The following CACNB2 variants were observed in gnomAD, a reference collection of about 807,000 sequenced individuals.
CACNB2 encodes calcium voltage-gated channel auxiliary subunit beta 2.
In CACNB2, 42 loss-of-function variants were observed where a neutral mutation model predicts 73.3. That is an observed-to-expected ratio of 0.57 (90% CI 0.45 to 0.74). CACNB2 has a LOEUF of 0.74. Ranked by LOEUF, CACNB2 falls within the 30% of genes least tolerant of loss-of-function variation. The probability of loss-of-function intolerance (pLI) is 0.00; values close to 1 mark genes in which losing one functional copy is unlikely to be tolerated. For synonymous variants in CACNB2, 348 were observed against 310.3 expected (o/e 1.12, Z -1.28); for missense variants, 940 against 853.0 (o/e 1.10, Z -1.27).
intron 2 of CACNB2, among the ~76,000 whole-genome samples, chr10:18,195,375 C>T (rs963307026): frequency 6.6e-6 from 1 of 152,136 alleles, no homozygotes; most frequent in Non-Finnish European, 1.5e-5. Flanking sequence ...ACACATTGAC[C>T]CACCCCAGCT....
intron 3 of CACNB2, among the ~76,000 whole-genome samples, chr10:18,483,173 C>A (rs919405110): frequency 6.6e-5 from 10 of 151,992 alleles, no homozygotes; most frequent in Admixed American, 5.9e-4. Flanking sequence ...CTAATCTAAT[C>A]CCTGCCAAAA....
At chr10:18,356,942 C>CTTTTTTTTTTTTTTTTT (rs71402158) in intron 2 of CACNB2, among the ~76,000 whole-genome samples, 1 of 101,100 alleles carries the variant, frequency 9.9e-6, no homozygotes, top group Admixed American at 1.1e-4. Flanking sequence ...GACTCAATTT[C>CTTTTTTTTTTTTTTTTT]TTTTTTTTTT....
chr10:18,210,524 C>G (rs2035276106), intron 2 of CACNB2, among the ~76,000 whole-genome samples: 1 of 151,932 alleles, frequency 6.6e-6, no homozygotes, highest in Non-Finnish European at 1.5e-5. Context: ...GTTAAGAACC[C>G]AGGGATTAGG....
At chr10:18,477,552 C>T (rs770559114) in intron 3 of CACNB2, among the ~76,000 whole-genome samples, 4 of 152,174 alleles carry the variant, frequency 2.6e-5, no homozygotes, top group African/African-American at 2.4e-5. Flanking sequence ...TAGAAGCTCA[C>T]TTTGCCAAGA....
At chr10:18,180,404 G>A (rs1341260885) in intron 2 of CACNB2, among the ~76,000 whole-genome samples, 2 of 151,366 alleles carry the variant, frequency 1.3e-5, no homozygotes, top group African/African-American at 2.4e-5. Context: ...TTTCTTTTAC[G>A]TCAGGCAGGA....
At chr10:18,480,223 G>A (rs2048652803) in intron 3 of CACNB2, among the ~76,000 whole-genome samples, 1 of 152,066 alleles carries the variant, frequency 6.6e-6, no homozygotes, top group African/African-American at 2.4e-5. Context: ...GTATATGCTT[G>A]ACATTTTTTA....
intron 3 of CACNB2, among the ~76,000 whole-genome samples, chr10:18,476,587 C>T (rs956673517): frequency 1.3e-5 from 2 of 152,260 alleles, no homozygotes; most frequent in East Asian, 1.9e-4. Flanking sequence ...ACCCTATGCA[C>T]ACATCTGATT....
chr10:18,239,411 A>T (rs550014966), intron 2 of CACNB2, among the ~76,000 whole-genome samples: 1 of 152,178 alleles, frequency 6.6e-6, no homozygotes, highest in East Asian at 1.9e-4. Context: ...TCTGTTTCTG[A>T]GTTATTTCAC....
intron 2 of CACNB2, among the ~76,000 whole-genome samples, chr10:18,322,413 GCTGTTCA>G (rs1395563102): frequency 1.3e-5 from 2 of 152,164 alleles, no homozygotes; most frequent in African/African-American, 4.8e-5. Context: ...AAGGTTCTTT[GCTGTTCA>G]CCAACACAAT....
chr10:18,151,053 C>T (rs2031511306), intron 2 of CACNB2, 78 bp downstream of exon 2: 3 of 916,382 alleles, frequency 3.3e-6, no homozygotes, highest in African/African-American at 3.3e-5. Context: ...TCACTCTTTT[C>T]CTTAAGATTT....
intron 2 of CACNB2, among the ~76,000 whole-genome samples, chr10:18,194,267 A>T (rs1271977754): frequency 1.3e-5 from 2 of 152,156 alleles, no homozygotes; most frequent in Admixed American, 1.3e-4. Flanking sequence ...GCAACTGGTT[A>T]ATGAATGACG....
At chr10:18,473,120 T>G (rs2048274630) in intron 3 of CACNB2, among the ~76,000 whole-genome samples, 1 of 152,148 alleles carries the variant, frequency 6.6e-6, no homozygotes, top group African/African-American at 2.4e-5. Context: ...CTGTGGTGCT[T>G]TTGAAGGTCA....
chr10:18,367,157 A>C (rs2042387912), intron 2 of CACNB2, among the ~76,000 whole-genome samples: 1 of 152,196 alleles, frequency 6.6e-6, no homozygotes, highest in Non-Finnish European at 1.5e-5. Context: ...TTTGTTTTTA[A>C]ACTTTCCACT....
At chr10:18,454,432 A>G (rs1412180423) in intron 3 of CACNB2, among the ~76,000 whole-genome samples, 1 of 152,116 alleles carries the variant, frequency 6.6e-6, no homozygotes, top group Non-Finnish European at 1.5e-5. Flanking sequence ...CATACCACAG[A>G]CATGTCTATA....
intron 2 of CACNB2, among the ~76,000 whole-genome samples, chr10:18,399,533 G>A (rs1218262365): frequency 2.0e-5 from 3 of 152,028 alleles, no homozygotes; most frequent in African/African-American, 7.2e-5. Context: ...GAGGGAGGAA[G>A]GGTAGAAGGG....
At chr10:18,429,993 A>G (rs1305484640) in intron 3 of CACNB2, among the ~76,000 whole-genome samples, 1 of 152,004 alleles carries the variant, frequency 6.6e-6, no homozygotes, top group Non-Finnish European at 1.5e-5. Flanking sequence ...AACAAAACAA[A>G]AAAAGTCAAC....
chr10:18,502,688 T>A, intron 5 of CACNB2, among the ~76,000 whole-genome samples: 1 of 33,164 alleles, frequency 3.0e-5, no homozygotes, highest in Non-Finnish European at 4.9e-5. Context: ...AGACTCCATC[T>A]CAAAAAAAAA....
chr10:18,411,560 G>A (rs1428628815), intron 3 of CACNB2, among the ~76,000 whole-genome samples: 1 of 147,344 alleles, frequency 6.8e-6, no homozygotes, highest in Non-Finnish European at 1.5e-5. Flanking sequence ...CCAGGCTGGA[G>A]TGTAGTGCCA....
chr10:18,177,902 G>C (rs1230013231), intron 2 of CACNB2, among the ~76,000 whole-genome samples: 1 of 152,222 alleles, frequency 6.6e-6, no homozygotes, highest in Non-Finnish European at 1.5e-5. Flanking sequence ...GGCATAGTGA[G>C]TTTGGGGTGC....
Sources: allele counts gnomAD v4.1 joint callset (sites outside exome capture counted in the v4.1 genomes callset), GRCh38; gene constraint gnomAD v4.1.1; transcripts MANE v1.5; gene names NCBI Gene and HGNC (gene_info 2026-07-23, HGNC 2026-07-21).